The following FNDC1 variants were observed in gnomAD, a reference collection of about 807,000 sequenced individuals.
FNDC1 encodes fibronectin type III domain containing 1, also known as fibronectin type III domain-containing protein 1.
Under a neutral mutation model 168.0 loss-of-function variants are expected in FNDC1, and 96 were observed. That is an observed-to-expected ratio of 0.57 (90% confidence interval 0.48 to 0.68). FNDC1 has a LOEUF of 0.68. FNDC1 is among the 30% of genes least tolerant of loss of function. FNDC1 has a pLI of 0.00. For synonymous variants in FNDC1, 1,099 were observed against 1,025.9 expected (o/e 1.07, Z -1.36); for missense variants, 2,587 against 2,482.1 (o/e 1.04, Z -0.90).
In FNDC1 at chr6:159,269,495, T is replaced by TCCATCCATGCATCC. The variant is rs1562316075; in HGVS notation, c.5569+1569_5569+1570insCCATCCATGCATCC. ...CTATCTATCTATCTATCTATCTATC[T>TCCATCCATGCATCC]ATCTATCCATCCATCCATGCATCCA... On this transcript the variant is annotated intron_variant, in intron 22 of 22. Coordinates refer to ENST00000297267, the MANE Select transcript of FNDC1 (RefSeq NM_032532.3). Among the ~76,000 whole-genome samples the TCCATCCATGCATCC allele has an allele frequency of 2.8e-3, 166 of 59,346 alleles. 6 individuals carry two copies. Among genetic ancestry groups the TCCATCCATGCATCC allele is most frequent in the African/African-American group, 6.7e-3 (117 of 17,586 alleles). The allele number at this position is 59,346 out of a possible 152,430, so 38.9% of individuals were successfully genotyped here. A position where few individuals can be genotyped will look rare whatever the true frequency, so the allele number is the denominator to read the frequency against.
chr6:159,262,931 C>G (rs1777515510), intron 19 of FNDC1, among the ~76,000 whole-genome samples: 1 of 152,230 alleles, frequency 6.6e-6, no homozygotes, highest in South Asian at 2.1e-4. Flanking sequence ...ATTCAAGTTT[C>G]TCCTTCATTT....
At chr6:159,178,744 T>C (rs955495070) in intron 1 of FNDC1, among the ~76,000 whole-genome samples, 1 of 151,970 alleles carries the variant, frequency 6.6e-6, no homozygotes, top group Admixed American at 6.6e-5. Flanking sequence ...GCAAGTGTTT[T>C]TCTTTTTTTT....
Position 159,214,993 on chromosome 6 carries a change from A to G in FNDC1, c.509A>G (p.Asp170Gly), listed in dbSNP as rs781761182. ...TTGCGTGTGCGTGTCCGGTCCTCAG[A>G]TGACAGGCTGTCCGTTGCGTGGAAG... The part of the protein sequence containing the change: ...KPLRVRVRSS[D>G]DRLSVAWKAP... The change falls in exon 5 of 23, where the codon GAT becomes GGT. Residue 170 changes from aspartate (D) to glycine (G), a missense_variant. Physicochemically the swap from Asp to Gly is moderately conservative, Grantham distance 94 (BLOSUM62 -1). Transcript: ENST00000297267. 6.2e-7 allele frequency: 1 copy of G among 1,614,042 alleles called. No individual in the cohort carries two copies. The highest frequency in any genetic ancestry group is 2.2e-5 in the East Asian group (1 of 44,880).
At chr6:159,269,303 T>TTTATCTAA (rs1422766223) in intron 22 of FNDC1, among the ~76,000 whole-genome samples, 1,755 of 111,320 alleles carry the variant, frequency 0.016, 251 homozygotes, top group Middle Eastern at 0.022. Flanking sequence ...CATCCATCCA[T>TTTATCTAA]CTATCCTATC....
At chr6:159,183,865 T>C (rs140093598) in intron 1 of FNDC1, among the ~76,000 whole-genome samples, 1 of 152,354 alleles carries the variant, frequency 6.6e-6, no homozygotes, top group East Asian at 1.9e-4. Context: ...CAAGATCCAT[T>C]CAGGGCACGA....
chr6:159,208,566 G>C (rs1216442895), intron 4 of FNDC1, among the ~76,000 whole-genome samples: 1 of 152,182 alleles, frequency 6.6e-6, no homozygotes, highest in Non-Finnish European at 1.5e-5. Flanking sequence ...GCCCAGCACA[G>C]CCTCAGACCT....
chr6:159,228,163 T>C (rs1296395580), intron 9 of FNDC1, among the ~76,000 whole-genome samples: 1 of 152,228 alleles, frequency 6.6e-6, no homozygotes, highest in African/African-American at 2.4e-5. Flanking sequence ...TATTTACAGT[T>C]CCTTGGCGAA....
intron 1 of FNDC1, among the ~76,000 whole-genome samples, chr6:159,191,857 C>T (rs1400308370): frequency 6.6e-6 from 1 of 152,012 alleles, no homozygotes; most frequent in Non-Finnish European, 1.5e-5. Context: ...TTTGTTTCTC[C>T]CTGGATTAGT....
chr6:159,218,683 CT>C (rs1476477859), intron 5 of FNDC1: 1 of 152,298 alleles, frequency 6.6e-6, no homozygotes, highest in Non-Finnish European at 1.5e-5. Flanking sequence ...GAGCCACTCT[CT>C]GTCACTAAAC....
In FNDC1 at chr6:159,215,007, G is replaced by A. The variant is rs199900169; in HGVS notation, c.523G>A (p.Val175Ile). Residue 175 changes from valine to isoleucine, a missense_variant, in exon 5 of 23, where the codon GTT becomes ATT. Transcript: ENST00000297267. The stretch of plus-strand genomic sequence containing the variant: ...CCGGTCCTCAGATGACAGGCTGTCC[G>A]TTGCGTGGAAGGCACCACGCCTGTC... ...RVRSSDDRLS[V>I]AWKAPRLSGA... 4.5e-4 allele frequency: 728 copies of A among 1,613,980 alleles called. 1 individual carries two copies. Among genetic ancestry groups the A allele is most frequent in the Non-Finnish European group, 5.6e-4 (659 of 1,179,882 alleles).
rs781220916 is a variant in FNDC1 at position 159,233,994 on chromosome 6, C to T, written c.3482C>T (p.Pro1161Leu). ...AGGGCAGCGCCGGGGAAGTCGGAGC[C>T]TCCTTCCAAGCGGCCCCTGTCCTCC... ...PSRAAPGKSE[P>L]PSKRPLSSKS... Residue 1161 changes from proline to leucine, a missense_variant, in exon 11 of 23, where the codon CCT (proline) becomes CTT (leucine). Transcript: ENST00000297267. The surrounding 1 kb of genome is among the most constrained non-coding windows in gnomAD (Gnocchi z 4.6). 111 of 1,604,534 alleles carry T rather than the reference C, an allele frequency of 6.9e-5. No homozygotes were observed. The highest frequency in any genetic ancestry group is 1.9e-4 in the Admixed American group (11 of 58,936).
chr6:159,197,779 C>A (rs936443819), intron 2 of FNDC1, among the ~76,000 whole-genome samples, 154 bp downstream of exon 2: 29 of 152,202 alleles, frequency 1.9e-4, no homozygotes, highest in African/African-American at 5.5e-4. Flanking sequence ...AGATGCTTGT[C>A]GGAGGCTGCT....
chr6:159,194,778 T>C (rs1272352386), intron 1 of FNDC1, among the ~76,000 whole-genome samples: 1 of 152,138 alleles, frequency 6.6e-6, no homozygotes, highest in East Asian at 1.9e-4. Flanking sequence ...CTTAGTTAGA[T>C]GCTGGTTTGA....
chr6:159,174,533 T>C (rs1473048098), intron 1 of FNDC1, among the ~76,000 whole-genome samples: 1 of 152,264 alleles, frequency 6.6e-6, no homozygotes, highest in Non-Finnish European at 1.5e-5. Flanking sequence ...CGCTGCGGCT[T>C]TATAGAGATA....
At position 159,267,933 on chromosome 6, in the gene FNDC1, C is replaced by A. The variant is rs1424463379; in HGVS notation, c.5569+7C>A. Reference sequence around the variant, plus strand: ...GCCCTCCCTACTATTCAAGGTAATACAAACAAATGCCTGATATATTATCCT... The same window carrying A: ...GCCCTCCCTACTATTCAAGGTAATAAAAACAAATGCCTGATATATTATCCT... On this transcript the variant is annotated splice_region_variant and intron_variant, in intron 22 of 22. Transcript: ENST00000297267. 6.2e-6 allele frequency: 10 copies of A among 1,604,784 alleles called. No homozygotes were observed. Among genetic ancestry groups the A allele is most frequent in the Admixed American group, 3.4e-5 (2 of 58,736 alleles).
intron 14 of FNDC1, among the ~76,000 whole-genome samples, chr6:159,242,165 A>G (rs1349555269): frequency 6.6e-6 from 1 of 152,200 alleles, no homozygotes; most frequent in Non-Finnish European, 1.5e-5. Context: ...AAAAGGAATG[A>G]GATTATGTGC....
chr6:159,269,485 T>TG (rs1422638997), intron 22 of FNDC1, among the ~76,000 whole-genome samples: 25 of 142,388 alleles, frequency 1.8e-4, no homozygotes, highest in Non-Finnish European at 2.9e-4. Flanking sequence ...TATCTATCTA[T>TG]CTATCTATCT....
chr6:159,251,473 G>T lies in FNDC1; in HGVS notation c.5006G>T (p.Gly1669Val), dbSNP rs1456536099. 3.1e-6 allele frequency: 5 copies of T among 1,613,958 alleles called. No individual in the cohort carries two copies. The South Asian group carries it at 5.5e-5, about 18-fold the overall frequency. Residue 1669 changes from glycine (G) to valine (V), a missense_variant, in exon 17 of 23, where the codon GGT becomes GTT. Gly to Val is a moderately radical substitution (Grantham distance 109). Coordinates refer to ENST00000297267, the MANE Select transcript of FNDC1 (RefSeq NM_032532.3). The part of the protein sequence containing the change: ...PRNITVVAVE[G>V]CHSFVIVDWD... ...AACATCACCGTGGTGGCCGTGGAAG[G>T]TTGCCACTCATTTGTCATTGTGGAC...
intron 19 of FNDC1, among the ~76,000 whole-genome samples, chr6:159,261,841 C>T (rs1432658749): frequency 6.6e-6 from 1 of 152,134 alleles, no homozygotes; most frequent in East Asian, 1.9e-4. Flanking sequence ...GTGGCTCATG[C>T]CTGTAATCCC....
Sources: gnomAD v4.1 joint callset for allele counts (sites outside exome capture counted in the v4.1 genomes callset) on GRCh38, gnomAD v4.1.1 for gene constraint, Gnocchi (gnomAD v3.1) non-coding constraint, MANE v1.5 for transcripts, NCBI Gene and HGNC (gene_info 2026-07-23, HGNC 2026-07-21) for gene names.